The following UBE2R2 variants were observed in gnomAD, a reference collection of about 807,000 sequenced individuals.
UBE2R2 encodes ubiquitin conjugating enzyme E2 R2.
Under a neutral mutation model 27.8 loss-of-function variants are expected in UBE2R2, and 1 was observed. The observed-to-expected ratio is 0.04, with a 90% CI of 0.01 to 0.17. The LOEUF (loss-of-function observed/expected upper bound fraction) is 0.17, where lower values mean the gene tolerates loss of function less well. UBE2R2 is among the 10% of genes least tolerant of loss of function. The probability of loss-of-function intolerance (pLI) is 1.00; values close to 1 mark genes in which losing one functional copy is unlikely to be tolerated. For synonymous variants in UBE2R2, 106 were observed against 113.3 expected (o/e 0.94, Z 0.41); for missense variants, 100 against 291.0 (o/e 0.34, Z 4.78).
intron 1 of UBE2R2, among the ~76,000 whole-genome samples, chr9:33,872,696 G>C (rs1821512501): frequency 6.6e-6 from 1 of 151,540 alleles, no homozygotes; most frequent in Non-Finnish European, 1.5e-5. Context: ...TGAGGCAGGA[G>C]AATCGCTTGA....
upstream of UBE2R2, among the ~76,000 whole-genome samples, chr9:33,816,525 G>A (rs994119616): frequency 6.6e-6 from 1 of 152,262 alleles, no homozygotes; most frequent in Admixed American, 6.5e-5. Flanking sequence ...TTGTAGTTAA[G>A]AAGGGAAGCA....
chr9:33,863,534 A>C (rs549664517), intron 1 of UBE2R2, among the ~76,000 whole-genome samples: 2 of 152,266 alleles, frequency 1.3e-5, no homozygotes, highest in African/African-American at 2.4e-5. Context: ...AAAACAAAAA[A>C]AAAAAAAGTG....
intron 1 of UBE2R2, among the ~76,000 whole-genome samples, chr9:33,877,799 C>CTG (rs1821638048): frequency 7.6e-5 from 11 of 145,240 alleles, no homozygotes; most frequent in South Asian, 2.2e-4. Flanking sequence ...TTTTGCCCCT[C>CTG]TCTGTCTGTC....
intron 1 of UBE2R2, among the ~76,000 whole-genome samples, chr9:33,837,992 T>C (rs1168681825): frequency 6.6e-6 from 1 of 152,210 alleles, no homozygotes; most frequent in Non-Finnish European, 1.5e-5. Flanking sequence ...TGTGTAATTA[T>C]ATGTCTCATA....
chr9:33,831,682 C>T (rs1265001722), intron 1 of UBE2R2, among the ~76,000 whole-genome samples: 3 of 151,962 alleles, frequency 2.0e-5, no homozygotes, highest in African/African-American at 7.3e-5. Flanking sequence ...GTTTTTGAGA[C>T]GGAGTCTCAC....
At chr9:33,837,885 TG>T (rs1421947142) in intron 1 of UBE2R2, among the ~76,000 whole-genome samples, 3 of 152,288 alleles carry the variant, frequency 2.0e-5, no homozygotes, top group African/African-American at 7.2e-5. Flanking sequence ...TGATCATGGT[TG>T]TCGTTTCTCC....
chr9:33,900,953 C>G (rs1442214554), intron 3 of UBE2R2, among the ~76,000 whole-genome samples: 1 of 152,060 alleles, frequency 6.6e-6, no homozygotes, highest in African/African-American at 2.4e-5. Context: ...CTGTTTCTGT[C>G]TGTGTCTCTG....
At chr9:33,893,910 T>C (rs1185178654) in intron 2 of UBE2R2, among the ~76,000 whole-genome samples, 1 of 152,118 alleles carries the variant, frequency 6.6e-6, no homozygotes, top group African/African-American at 2.4e-5. Flanking sequence ...GGATTACAGG[T>C]GTGAGCCACT....
At chr9:33,845,011 C>T (rs546520396) in intron 1 of UBE2R2, among the ~76,000 whole-genome samples, 11 of 152,002 alleles carry the variant, frequency 7.2e-5, no homozygotes, top group South Asian at 4.2e-4. Flanking sequence ...TCAAATGATC[C>T]GCCTGCCTCG....
chr9:33,842,788 GCA>G (rs1400614066), intron 1 of UBE2R2, among the ~76,000 whole-genome samples: 2 of 152,100 alleles, frequency 1.3e-5, no homozygotes, highest in East Asian at 1.9e-4. Flanking sequence ...CGCTACAATT[GCA>G]CAGTTAACTG....
At chr9:33,900,927 G>GTCTC (rs140918268) in intron 3 of UBE2R2, among the ~76,000 whole-genome samples, 1 of 149,870 alleles carries the variant, frequency 6.7e-6, no homozygotes, top group African/African-American at 2.4e-5. Context: ...CTCTGTCTCT[G>GTCTC]TCTCTCTCTC....
intron 1 of UBE2R2, among the ~76,000 whole-genome samples, chr9:33,828,874 T>G (rs538815582): frequency 6.6e-6 from 1 of 152,254 alleles, no homozygotes; most frequent in African/African-American, 2.4e-5. Flanking sequence ...GCTGGGATTA[T>G]AGGCGCACGC....
Position 33,817,938 on chromosome 9 carries a change from C to T in UBE2R2, c.177+4C>T. On this transcript the variant is annotated splice_donor_region_variant and intron_variant, in intron 1 of 4. Transcript: ENST00000263228. Reference sequence around the variant, plus strand: ...CTACGAAGGCGGCTACTTCAAGGTACCCTCACCCTCCTCCCGGACCCTGCT... The same window carrying T: ...CTACGAAGGCGGCTACTTCAAGGTATCCTCACCCTCCTCCCGGACCCTGCT... 1.9e-6 allele frequency: 3 copies of T among 1,603,834 alleles called. No homozygotes were observed. The highest frequency in any genetic ancestry group is 2.6e-6 in the Non-Finnish European group (3 of 1,174,834).
chr9:33,879,009 A>G (rs1381865112), intron 1 of UBE2R2, among the ~76,000 whole-genome samples: 2 of 152,156 alleles, frequency 1.3e-5, no homozygotes, highest in African/African-American at 4.8e-5. Flanking sequence ...TAGGAGGCCA[A>G]AGCGGGAGGA....
At chr9:33,906,190 T>C (rs998220123) in intron 3 of UBE2R2, among the ~76,000 whole-genome samples, 3 of 152,192 alleles carry the variant, frequency 2.0e-5, no homozygotes, top group Admixed American at 6.5e-5. Context: ...TGGTGCGATC[T>C]CAGCTCACTG....
chr9:33,829,460 A>G (rs1217448155), intron 1 of UBE2R2, among the ~76,000 whole-genome samples: 1 of 152,180 alleles, frequency 6.6e-6, no homozygotes, highest in African/African-American at 2.4e-5. Context: ...GATGATGGGT[A>G]CACTGAATGC....
intron 1 of UBE2R2, among the ~76,000 whole-genome samples, chr9:33,826,695 T>TCCCCTGCCGCCCCCTCCAAAAA (rs1485631738): frequency 2.6e-4 from 40 of 151,798 alleles, no homozygotes; most frequent in African/African-American, 9.4e-4. Context: ...TGAGACTCTG[T>TCCCCTGCCGCCCCCTCCAAAAA]CCCCTGCCGC....
rs1822685225 is a variant in UBE2R2 at position 33,917,709 on chromosome 9, A to AG, written c.*472_*473insG. 1 of 187,774 alleles carries AG rather than the reference A, an allele frequency of 5.3e-6. No individual in the cohort carries two copies. The highest frequency in any genetic ancestry group is 1.1e-5 in the Non-Finnish European group (1 of 91,226). 11.6% of individuals were successfully genotyped at this position (187,774 alleles called of 1,614,324 possible). ...AACCCACAAAACAAACTTTAAAAAA[A>AG]AAAAAAAACAAATTTGCCAAGGTTT... On this transcript the variant is annotated 3_prime_UTR_variant, in exon 5 of 5. Transcript: ENST00000263228.
intron 1 of UBE2R2, among the ~76,000 whole-genome samples, chr9:33,876,329 C>G (rs1298506897): frequency 6.6e-6 from 1 of 152,078 alleles, no homozygotes; most frequent in Non-Finnish European, 1.5e-5. Flanking sequence ...GCACTCTAGC[C>G]TGGGCGACAG....
Sources: gnomAD v4.1 joint callset for allele counts (sites outside exome capture counted in the v4.1 genomes callset) on GRCh38, gnomAD v4.1.1 for gene constraint, MANE v1.5 for transcripts, NCBI Gene and HGNC (gene_info 2026-07-23, HGNC 2026-07-21) for gene names.